Variants in MISP observed in about 807,000 individuals in gnomAD.
MISP encodes mitotic spindle positioning.
MISP carries 51 observed loss-of-function variants against 49.3 expected under a neutral mutation model. The ratio of observed to expected loss-of-function variants is 1.03; its 90% confidence interval spans 0.83 to 1.31. The LOEUF (loss-of-function observed/expected upper bound fraction) is 1.31. Ranked by LOEUF, MISP falls within the 50% of genes most tolerant of loss-of-function variation. MISP has a pLI of 0.00. For synonymous variants in MISP, 444 were observed against 392.6 expected, an observed-to-expected ratio of 1.13 and a Z score of -1.55; for missense variants, 1,084 against 935.1, an observed-to-expected ratio of 1.16 and a Z score of -2.08.
chr19:757,183 A>C lies in MISP; in HGVS notation c.237A>C (p.Pro79=), dbSNP rs750999306. 6.2e-7 allele frequency: 1 copy of C among 1,613,444 alleles called. No individual in the cohort carries two copies. Among genetic ancestry groups the C allele is most frequent in the South Asian group, 1.1e-5 (1 of 91,090 alleles). ...SVHAYTGQPS[P]RGLHSENRED... is the part of the protein sequence containing the mutation. ...ATGCCTACACTGGCCAGCCGTCCCC[A>C]CGGGGGCTCCACTCGGAGAACAGGG... The change falls in exon 2 of 5, where the codon CCA becomes CCC. Residue 79 remains proline, a synonymous_variant. Transcript: ENST00000215582.
rs1336320837 is a variant in MISP, at chr19:763,553, G to C, written c.2003G>C (p.Trp668Ser). The part of the protein sequence containing the change: ...TRHKNAMAER[W>S]ESRIYASEED... ...CACAAGAACGCCATGGCAGAGCGCTGGGAATCCCGCATCTACGCCAGTGAG... is the reference window on the plus strand; with the variant it reads ...CACAAGAACGCCATGGCAGAGCGCTCGGAATCCCGCATCTACGCCAGTGAG... Residue 668 changes from tryptophan to serine, a missense_variant, in exon 5 of 5, where the codon TGG becomes TCG. Trp to Ser is a radical substitution (Grantham distance 177). Transcript: ENST00000215582. 1.2e-6 allele frequency: 2 copies of C among 1,614,064 alleles called. No homozygotes were observed.
Position 757,112 on chromosome 19 carries a change from A to G in MISP, c.166A>G (p.Arg56Gly). 1 of 1,613,120 alleles carries G rather than the reference A, an allele frequency of 6.2e-7. No individual in the cohort carries two copies. The highest frequency in any genetic ancestry group is 8.5e-7 in the Non-Finnish European group (1 of 1,179,844). ...DEPQTWPTDH[R>G]AQQGVQRQGV... ...GCCGCAGACATGGCCCACTGACCAC[A>G]GGGCCCAGCAGGGCGTGCAGAGGCA... The change falls in exon 2 of 5, where the codon AGG becomes GGG. Residue 56 changes from arginine (R) to glycine (G), a missense_variant. Arg to Gly is a moderately radical substitution (Grantham distance 125). Transcript: ENST00000215582.
chr19:755,920 G>A (rs918075304), intron 1 of MISP, among the ~76,000 whole-genome samples: 4 of 150,632 alleles, frequency 2.7e-5, no homozygotes, highest in Admixed American at 1.3e-4. Context: ...GCAACAGAGC[G>A]AGACTCCATC....
rs1349656700 is a variant in MISP, at chr19:758,506, C to T, written c.1560C>T (p.Ala520=). The part of the protein sequence containing the change: ...RFRAPDEPQQ[A]QVPHVWGWEV... ...GGGCCCCAGACGAGCCCCAGCAGGCCCAAGTCCCCCATGTCTGGGGCTGGG... is the reference window on the plus strand; with the variant it reads ...GGGCCCCAGACGAGCCCCAGCAGGCTCAAGTCCCCCATGTCTGGGGCTGGG... The change falls in exon 2 of 5, where the codon GCC becomes GCT. Residue 520 remains alanine, a synonymous_variant. Transcript: ENST00000215582. 3.8e-5 allele frequency: 61 copies of T among 1,613,986 alleles called. 1 individual carries two copies. The highest frequency in any genetic ancestry group is 4.7e-5 in the Non-Finnish European group (55 of 1,179,972).
At chr19:750,345 G>A (rs2033443223), upstream of MISP, among the ~76,000 whole-genome samples, 1 of 151,774 alleles carries the variant, frequency 6.6e-6, no homozygotes, top group Non-Finnish European at 1.5e-5. Context: ...GATTATAATA[G>A]CGTGCCACCA....
chr19:757,637 C>G lies in MISP; in HGVS notation c.691C>G (p.Pro231Ala), dbSNP rs766162342. The G allele has an allele frequency of 6.2e-6, 10 of 1,612,888 alleles. No individual in the cohort carries two copies. The highest frequency in any genetic ancestry group is 8.5e-6 in the Non-Finnish European group (10 of 1,179,684). Reference protein sequence around the residue: ...AGTTPGASQAPKAFNKPHLAN... With the variant: ...AGTTPGASQAAKAFNKPHLAN... ...CACAACCCCAGGGGCCAGCCAGGCC[C>G]CCAAGGCCTTCAACAAGCCCCACCT... is the stretch of plus-strand genomic sequence containing the variant. The change falls in exon 2 of 5, where the codon CCC becomes GCC. Residue 231 changes from proline (P) to alanine (A), a missense_variant. Pro to Ala is a conservative substitution (Grantham distance 27). Coordinates refer to ENST00000215582, the MANE Select transcript of MISP (RefSeq NM_173481.4).
At chr19:753,171 G>A (rs1318470703) in intron 1 of MISP, among the ~76,000 whole-genome samples, 1 of 152,200 alleles carries the variant, frequency 6.6e-6, no homozygotes, top group Non-Finnish European at 1.5e-5. Flanking sequence ...CACGCTTTGG[G>A]AGGAAGCTCA....
Position 759,941 on chromosome 19 carries a change from C to T in MISP, c.1813C>T (p.Pro605Ser), listed in dbSNP as rs2033645343. 6.2e-7 allele frequency: 1 copy of T among 1,614,102 alleles called. No individual in the cohort carries two copies. Among genetic ancestry groups the T allele is most frequent in the Non-Finnish European group, 8.5e-7 (1 of 1,179,972 alleles). The change falls in exon 3 of 5, where the codon CCC (proline) becomes TCC (serine). Residue 605 changes from proline (P) to serine (S), a missense_variant. Transcript: ENST00000215582. ...ITGSYSVSES[P>S]FFSPIHLHSN... Reference sequence around the variant, plus strand: ...GGGCAGTTACTCGGTGTCTGAGTCTCCCTTCTTCAGCCCCATCCACCTACA... The same window carrying T: ...GGGCAGTTACTCGGTGTCTGAGTCTTCCTTCTTCAGCCCCATCCACCTACA...
chr19:763,238 C>T (rs2033702852), intron 4 of MISP, among the ~76,000 whole-genome samples: 1 of 152,186 alleles, frequency 6.6e-6, no homozygotes, highest in African/African-American at 2.4e-5. Context: ...GATCGCGCCA[C>T]TGCAGTCCAG....
In MISP at chr19:760,011, C is replaced by T. The variant is rs1291896595; in HGVS notation, c.1883C>T (p.Pro628Leu). The T allele has an allele frequency of 1.2e-6, 2 of 1,614,000 alleles. No individual in the cohort carries two copies. Among genetic ancestry groups the T allele is most frequent in the South Asian group, 2.2e-5 (2 of 91,082 alleles). ...GTGGAAGATCCAGTGGACAGTGCTC[C>T]TCCCGGGCAGAGAAAGAAGGAGCAA... is the stretch of plus-strand genomic sequence containing the variant. ...WTVEDPVDSA[P>L]PGQRKKEQWY... The change falls in exon 3 of 5, where the codon CCT (proline) becomes CTT (leucine). Residue 628 changes from proline (P) to leucine (L), a missense_variant. Pro to Leu is a moderately conservative substitution (Grantham distance 98). Coordinates refer to ENST00000215582, the MANE Select transcript of MISP (RefSeq NM_173481.4).
At position 761,755 on chromosome 19, in the gene MISP, G is replaced by A. The variant is rs1188521256; in HGVS notation, c.1950+92G>A. The A allele has an allele frequency of 8.6e-6, 12 of 1,400,996 alleles. No homozygotes were observed. The Admixed American group carries it at 8.6e-5, about 10-fold the overall frequency. 86.8% of individuals were successfully genotyped at this position (1,400,996 alleles called of 1,614,324 possible). The stretch of plus-strand genomic sequence containing the variant: ...GGCCAACGGAAGCCCCTTCCTCCAG[G>A]TGTGGGGATCGTATTGGGTGTCTTC... On this transcript the variant is annotated intron_variant, in intron 4 of 4. Transcript: ENST00000215582.
chr19:755,513 A>AG (rs149873048), intron 1 of MISP, among the ~76,000 whole-genome samples: 3,129 of 152,208 alleles, frequency 0.021, 109 homozygotes, highest in African/African-American at 0.072. Context: ...TCCCTTAGCA[A>AG]GGGGCCATCT....
chr19:762,248 G>A (rs528727234), intron 4 of MISP, among the ~76,000 whole-genome samples: 32 of 132,500 alleles, frequency 2.4e-4, no homozygotes, highest in South Asian at 7.7e-4. Context: ...CACCGCGCCC[G>A]GCCAAGGCAA....
chr19:749,094 T>C (rs1333569813), upstream of MISP, among the ~76,000 whole-genome samples: 2 of 152,074 alleles, frequency 1.3e-5, no homozygotes, highest in Non-Finnish European at 2.9e-5. Flanking sequence ...GCTGAGATCG[T>C]GCCACTGCAC....
Position 758,570 on chromosome 19 carries a change from C to T in MISP, c.1624C>T (p.Gln542Ter). 6.2e-7 allele frequency: 1 copy of T among 1,614,204 alleles called. No homozygotes were observed. Among genetic ancestry groups the T allele is most frequent in the Non-Finnish European group, 8.5e-7 (1 of 1,180,030 alleles). ...GAPALRLQKS[Q>*]SSDLLERERE... is the part of the protein sequence containing the mutation. ...CCCTGCACTGAGGCTGCAGAAGTCC[C>T]AGTCATCTGATCTGCTGGAAAGGGA... Residue 542 changes from glutamine to a stop codon, truncating the protein, a stop_gained, in exon 2 of 5, where the codon CAG becomes TAG. Coordinates refer to ENST00000215582, the MANE Select transcript of MISP (RefSeq NM_173481.4). LOFTEE classifies it high-confidence loss of function.
At chr19:756,823 G>C (rs2033556735) in intron 1 of MISP, 67 bp from the exon 2 acceptor site, 2 of 782,658 alleles carry the variant, frequency 2.6e-6, no homozygotes, top group South Asian at 3.9e-5. Context: ...CCCTTTGGGG[G>C]ACTGGAGGCT....
At chr19:756,763 CACTT>C (rs1263479849) in intron 1 of MISP, 123 bp from the exon 2 acceptor site, 6 of 595,688 alleles carry the variant, frequency 1.0e-5, no homozygotes, top group Middle Eastern at 4.4e-4. Flanking sequence ...TGGACTGTGT[CACTT>C]ACCCATCCCT....
In MISP at chr19:757,466, G is replaced by C; in HGVS notation, c.520G>C (p.Gly174Arg). 3 of 1,593,598 alleles carry C rather than the reference G, an allele frequency of 1.9e-6. No homozygotes were observed. Among genetic ancestry groups the C allele is most frequent in the Non-Finnish European group, 2.6e-6 (3 of 1,170,938 alleles). ...TPDHGDPRTPGPPRSTPLEEN... is the reference protein window; with the variant it reads ...TPDHGDPRTPRPPRSTPLEEN... ...TGACCACGGAGACCCCAGGACCCCC[G>C]GCCCACCTCGGTCCACGCCCCTGGA... Residue 174 changes from glycine to arginine, a missense_variant, in exon 2 of 5, where the codon GGC becomes CGC. By Grantham distance (125) the Gly-to-Arg change is moderately radical (BLOSUM62 -2). Coordinates refer to ENST00000215582, the MANE Select transcript of MISP (RefSeq NM_173481.4).
At chr19:752,925 C>T (rs1213589282) in intron 1 of MISP, among the ~76,000 whole-genome samples, 1 of 152,226 alleles carries the variant, frequency 6.6e-6, no homozygotes, top group Non-Finnish European at 1.5e-5. Context: ...CCGCAATGAG[C>T]CCGACCCCCA....
Sources: allele counts gnomAD v4.1 joint callset (sites outside exome capture counted in the v4.1 genomes callset), GRCh38; gene constraint gnomAD v4.1.1; transcripts MANE v1.5; gene names NCBI Gene and HGNC (gene_info 2026-07-23, HGNC 2026-07-21).